The following SMYD3 variants were observed in gnomAD, a reference collection of about 807,000 sequenced individuals.
SMYD3 encodes the protein SET and MYND domain containing 3.
SMYD3 carries 36 observed loss-of-function variants against 57.7 expected under a neutral mutation model. The ratio of observed to expected loss-of-function variants is 0.62; its 90% CI spans 0.48 to 0.82. The LOEUF (loss-of-function observed/expected upper bound fraction) is 0.82, where lower values mean the gene tolerates loss of function less well. Among genes scored for constraint, SMYD3 ranks in the 40% least tolerant of loss-of-function variants. The probability of loss-of-function intolerance (pLI) is 0.00; values close to 1 mark genes in which losing one functional copy is unlikely to be tolerated. For missense variants in SMYD3, 515 were observed against 538.8 expected, an observed-to-expected ratio of 0.96 and a Z score of 0.44; for synonymous variants, 211 against 195.0, an observed-to-expected ratio of 1.08 and a Z score of -0.68.
At chr1:246,048,156 T>C (rs2060003131) in intron 5 of SMYD3, among the ~76,000 whole-genome samples, 1 of 152,112 alleles carries the variant, frequency 6.6e-6, no homozygotes, top group Non-Finnish European at 1.5e-5. Context: ...AAATAACCAG[T>C]ATATAAAATG....
chr1:245,931,844 T>C (rs1477332536), intron 5 of SMYD3, among the ~76,000 whole-genome samples: 1 of 152,212 alleles, frequency 6.6e-6, no homozygotes, highest in East Asian at 1.9e-4. Context: ...TAGTGCACTC[T>C]AGCATGATTT....
At chr1:246,084,666 G>T (rs920758746) in intron 5 of SMYD3, among the ~76,000 whole-genome samples, 2 of 152,038 alleles carry the variant, frequency 1.3e-5, no homozygotes, top group Non-Finnish European at 2.9e-5. Flanking sequence ...TATTTACGAG[G>T]GTCATTGTTT....
intron 5 of SMYD3, among the ~76,000 whole-genome samples, chr1:246,098,500 A>C (rs1032314504): frequency 8.5e-5 from 13 of 152,222 alleles, no homozygotes; most frequent in African/African-American, 3.1e-4. Context: ...GCCAATAAAC[A>C]AGGAGCTATT....
At chr1:246,116,457 T>C (rs12092007) in intron 5 of SMYD3, among the ~76,000 whole-genome samples, 24,785 of 152,200 alleles carry the variant, frequency 0.16, 3,603 homozygotes, top group African/African-American at 0.39. Context: ...CTTCACTGGC[T>C]CTCCTGCAGA....
rs535340380 is a variant in SMYD3, at chr1:246,230,161, G to T, written c.531+97040C>A. 2.0e-5 allele frequency among the ~76,000 whole-genome samples: 3 copies of T among 152,292 alleles called. 1 individual carries two copies. In the Middle Eastern group the frequency reaches 0.01, roughly 518 times the overall value. ...GAACCATGACTTTTCCTAAAGCCAT[G>T]ACCTGGTTTTCTTCTGAACTACATG... On this transcript the variant is annotated intron_variant, in intron 5 of 11. Coordinates refer to ENST00000490107, the MANE Select transcript of SMYD3 (RefSeq NM_001167740.2).
chr1:246,070,281 G>A (rs1323427024), intron 5 of SMYD3, among the ~76,000 whole-genome samples: 1 of 152,136 alleles, frequency 6.6e-6, no homozygotes, highest in Non-Finnish European at 1.5e-5. Flanking sequence ...TGAGGAAAAT[G>A]CCACAAGTGA....
chr1:246,363,841 T>C (rs2148719431), intron 1 of SMYD3, among the ~76,000 whole-genome samples: 1 of 152,246 alleles, frequency 6.6e-6, no homozygotes, highest in South Asian at 2.1e-4. Flanking sequence ...CACTTGTTTA[T>C]CTGCTGACCT....
At chr1:246,453,390 G>A (rs1052265221) in intron 1 of SMYD3, among the ~76,000 whole-genome samples, 2 of 152,188 alleles carry the variant, frequency 1.3e-5, no homozygotes, top group Non-Finnish European at 2.9e-5. Flanking sequence ...TGAGAATTTA[G>A]TACAGTGGTG....
At chr1:246,445,804 T>C (rs1235566094) in intron 1 of SMYD3, among the ~76,000 whole-genome samples, 3 of 150,386 alleles carry the variant, frequency 2.0e-5, no homozygotes, top group Admixed American at 6.7e-5. Context: ...ATAAACACTC[T>C]CACTTCTGAA....
intron 5 of SMYD3, among the ~76,000 whole-genome samples, chr1:246,290,568 T>C (rs10802382): frequency 0.099 from 15,133 of 152,168 alleles, 1,440 homozygotes; most frequent in African/African-American, 0.24. Context: ...CATCAACATA[T>C]TTTCAAGGCC....
intron 5 of SMYD3, among the ~76,000 whole-genome samples, chr1:246,025,316 C>T (rs559964094): frequency 5.2e-4 from 79 of 151,710 alleles, no homozygotes; most frequent in African/African-American, 1.8e-3. Flanking sequence ...AGCAAGTGGA[C>T]AGCATCTAGG....
At chr1:246,452,124 T>C (rs560907729) in intron 1 of SMYD3, among the ~76,000 whole-genome samples, 6 of 152,200 alleles carry the variant, frequency 3.9e-5, no homozygotes, top group East Asian at 3.9e-4. Context: ...TTCTAAAATA[T>C]AGAAAAAGGA....
chr1:246,215,166 G>A (rs576150097), intron 5 of SMYD3, among the ~76,000 whole-genome samples: 1 of 152,146 alleles, frequency 6.6e-6, no homozygotes, highest in African/African-American at 2.4e-5. Flanking sequence ...TGAAACAGCA[G>A]CTTCACTTCC....
In SMYD3 at chr1:246,507,072, C is replaced by G; in HGVS notation, c.146G>C (p.Cys49Ser). ...TACGCACCCGAGAAGGCAGCGGTCGCAGACGACGCCACGACTCCCCTTGCA... is the reference window on the plus strand; with the variant it reads ...TACGCACCCGAGAAGGCAGCGGTCGGAGACGACGCCACGACTCCCCTTGCA... Reference protein sequence around the residue: ...TVCKGSRGVVCDRCLLGKEKL... With the variant: ...TVCKGSRGVVSDRCLLGKEKL... Residue 49 changes from cysteine to serine, a missense_variant, in exon 1 of 12, where the codon TGC (cysteine) becomes TCC (serine). By Grantham distance (112) the Cys-to-Ser change is moderately radical. Coordinates refer to ENST00000490107, the MANE Select transcript of SMYD3 (RefSeq NM_001167740.2). 6.6e-7 allele frequency: 1 copy of G among 1,515,206 alleles called. No individual in the cohort carries two copies. Among genetic ancestry groups the G allele is most frequent in the Admixed American group, 2.1e-5 (1 of 46,856 alleles). The allele number at this position is 1,515,206 out of a possible 1,614,324, so 93.9% of individuals were successfully genotyped here.
intron 1 of SMYD3, among the ~76,000 whole-genome samples, chr1:246,441,522 A>G (rs1456579336): frequency 6.6e-6 from 1 of 152,238 alleles, no homozygotes; most frequent in Non-Finnish European, 1.5e-5. Context: ...GAGATCAGAA[A>G]GCATTCCAGT....
intron 1 of SMYD3, among the ~76,000 whole-genome samples, chr1:246,464,418 G>A (rs2067852767): frequency 6.6e-6 from 1 of 152,164 alleles, no homozygotes; most frequent in Non-Finnish European, 1.5e-5. Flanking sequence ...TCGGGAGGCT[G>A]AGGTGGGAGG....
At chr1:246,287,641 T>C (rs1449637513) in intron 5 of SMYD3, among the ~76,000 whole-genome samples, 1 of 152,158 alleles carries the variant, frequency 6.6e-6, no homozygotes, top group Non-Finnish European at 1.5e-5. Flanking sequence ...GTATAGTAAT[T>C]AGATTTGGGG....
chr1:246,032,326 A>C lies in SMYD3; in HGVS notation c.532-102389T>G, dbSNP rs192113369. On this transcript the variant is annotated intron_variant, in intron 5 of 11. Transcript: ENST00000490107. ...TGGCCTCAGAGTTTCAGTACCTGTC[A>C]TGATCAGGTCACCTAACACCTGGGA... Among the ~76,000 whole-genome samples, 590 of 152,288 alleles carry C rather than the reference A, an allele frequency of 3.9e-3. 7 individuals carry two copies. Among genetic ancestry groups the C allele is most frequent in the Non-Finnish European group, 4.7e-3 (317 of 68,020 alleles).
At chr1:246,306,035 T>C (rs1188775850) in intron 5 of SMYD3, 1 of 152,204 alleles carries the variant, frequency 6.6e-6, no homozygotes, top group African/African-American at 2.4e-5. Context: ...CCTGTCTTCA[T>C]TACAAATCAA....
Sources: gnomAD v4.1 joint callset for allele counts (sites outside exome capture counted in the v4.1 genomes callset) on GRCh38, gnomAD v4.1.1 for gene constraint, MANE v1.5 for transcripts, NCBI Gene and HGNC (gene_info 2026-07-23, HGNC 2026-07-21) for gene names.